NUDT9: variants seen among roughly 807,000 people sequenced by gnomAD.
NUDT9 encodes the protein nudix hydrolase 9.
NUDT9 carries 31 observed loss-of-function variants against 41.0 expected under a neutral mutation model. The ratio of observed to expected loss-of-function variants is 0.76; its 90% CI spans 0.57 to 1.02. NUDT9 has a LOEUF of 1.02. Among genes scored for constraint, NUDT9 ranks in the 50% least tolerant of loss-of-function variants. The probability of loss-of-function intolerance (pLI) is 0.00; values close to 1 mark genes in which losing one functional copy is unlikely to be tolerated. For synonymous variants in NUDT9, 146 were observed against 147.6 expected, an observed-to-expected ratio of 0.99 and a Z score of 0.08; for missense variants, 380 against 431.4, an observed-to-expected ratio of 0.88 and a Z score of 1.06.
At position 87,457,976 on chromosome 4, in the gene NUDT9, T is replaced by G. The variant is rs1406258726; in HGVS notation, c.1008T>G (p.Asp336Glu). 5.0e-6 allele frequency: 8 copies of G among 1,593,858 alleles called. No homozygotes were observed. Among genetic ancestry groups the G allele is most frequent in the Non-Finnish European group, 4.3e-6 (5 of 1,172,912 alleles). ...QFIKLVAEKR[D>E]AHWSEDSEAD... ...TCAAACTTGTGGCTGAGAAACGAGA[T>G]GCACACTGGAGCGAGGACTCTGAAG... The change falls in exon 8 of 8, where the codon GAT becomes GAG. Residue 336 changes from aspartate to glutamate, a missense_variant. Asp to Glu is a conservative substitution (Grantham distance 45). Transcript: ENST00000302174.
intron 1 of NUDT9, among the ~76,000 whole-genome samples, chr4:87,426,740 A>G (rs1721441348): frequency 6.6e-6 from 1 of 151,670 alleles, no homozygotes; most frequent in Non-Finnish European, 1.5e-5. Context: ...AAAAAAATTG[A>G]AAAAGGATAA....
In NUDT9 at chr4:87,422,874, C is replaced by G. The variant is rs75966645; in HGVS notation, c.-32C>G. Reference sequence around the variant, plus strand: ...AGGCGGAGGCACCAACTAAGAGCGACCTAGCATCGCAAAGCCGCCCTCGGG... The same window carrying G: ...AGGCGGAGGCACCAACTAAGAGCGAGCTAGCATCGCAAAGCCGCCCTCGGG... On this transcript the variant is annotated 5_prime_UTR_variant, in exon 1 of 8. Coordinates refer to ENST00000302174, the MANE Select transcript of NUDT9 (RefSeq NM_024047.5). The G allele has an allele frequency of 3.4e-5, 54 of 1,575,624 alleles. No homozygotes were observed. In the African/African-American group the frequency reaches 6.8e-4, roughly 20 times the overall value.
intron 2 of NUDT9, among the ~76,000 whole-genome samples, chr4:87,435,933 G>C (rs1158471570): frequency 6.6e-6 from 1 of 151,900 alleles, no homozygotes; most frequent in Non-Finnish European, 1.5e-5. Context: ...TACCTTTTTT[G>C]TGTGTGTAGT....
At chr4:87,425,197 AAAAAAACTGGG>A (rs2110155468) in intron 1 of NUDT9, among the ~76,000 whole-genome samples, 1 of 152,126 alleles carries the variant, frequency 6.6e-6, no homozygotes, top group South Asian at 2.1e-4. Flanking sequence ...TCTCTAAAAA[AAAAAAACTGGG>A]CCTGGTGGCA....
chr4:87,450,014 C>T (rs148172435), intron 5 of NUDT9, among the ~76,000 whole-genome samples: 16 of 152,166 alleles, frequency 1.1e-4, no homozygotes, highest in African/African-American at 3.6e-4. Context: ...CAAGTGTGTG[C>T]CGCTATGCCT....
intron 3 of NUDT9, 59 bp downstream of exon 3, chr4:87,438,431 G>C (rs1722054324): frequency 2.2e-6 from 2 of 923,728 alleles, no homozygotes; most frequent in Admixed American, 3.8e-5. Context: ...AGAAAAGATA[G>C]TTCATATTTA....
At chr4:87,435,831 T>C (rs978030336) in intron 2 of NUDT9, among the ~76,000 whole-genome samples, 1 of 152,214 alleles carries the variant, frequency 6.6e-6, no homozygotes, top group Non-Finnish European at 1.5e-5. Flanking sequence ...AGTAACTATA[T>C]ATATTTAAGG....
At position 87,458,116 on chromosome 4, in the gene NUDT9, G is replaced by A. The variant is rs1723070473; in HGVS notation, c.*95G>A. 1 of 1,119,686 alleles carries A rather than the reference G, an allele frequency of 8.9e-7. No individual in the cohort carries two copies. The highest frequency in any genetic ancestry group is 3.2e-5 in the Admixed American group (1 of 31,380). The allele number at this position is 1,119,686 out of a possible 1,614,324, so 69.4% of individuals were successfully genotyped here. A position where few individuals can be genotyped will look rare whatever the true frequency, so the allele number is the denominator to read the frequency against. On this transcript the variant is annotated 3_prime_UTR_variant, in exon 8 of 8. Coordinates refer to ENST00000302174, the MANE Select transcript of NUDT9 (RefSeq NM_024047.5). ...TTTATACTATAAAAAGGGCAGGGTA[G>A]GCCACTTGGCCTATTTACTTTCAAA...
chr4:87,422,742 T>G lies in NUDT9; in HGVS notation c.-164T>G. The G allele has an allele frequency of 1.8e-6, 1 of 542,896 alleles. No individual in the cohort carries two copies. Among genetic ancestry groups the G allele is most frequent in the East Asian group, 3.2e-5 (1 of 31,314 alleles). The allele number at this position is 542,896 out of a possible 1,614,324, so 33.6% of individuals were successfully genotyped here. A position where few individuals can be genotyped will look rare whatever the true frequency, so the allele number is the denominator to read the frequency against. On this transcript the variant is annotated 5_prime_UTR_variant, in exon 1 of 8. Coordinates refer to ENST00000302174, the MANE Select transcript of NUDT9 (RefSeq NM_024047.5). ...TTATCGTGGGAGGGCTCTTGATCTGTGATTTATAGATAGGCACAGCTACTC... is the reference window on the plus strand; with the variant it reads ...TTATCGTGGGAGGGCTCTTGATCTGGGATTTATAGATAGGCACAGCTACTC...
rs558048057 is a variant in NUDT9 at position 87,438,149 on chromosome 4, A to C, written c.348-128A>C. 335 of 488,712 alleles carry C rather than the reference A, an allele frequency of 6.9e-4. 6 individuals carry two copies. The highest frequency in any genetic ancestry group is 4.3e-3 in the South Asian group (142 of 33,026). The allele number at this position is 488,712 out of a possible 1,614,324, so 30.3% of individuals were successfully genotyped here. A position where few individuals can be genotyped will look rare whatever the true frequency, so the allele number is the denominator to read the frequency against. On this transcript the variant is annotated intron_variant, in intron 2 of 7. Transcript: ENST00000302174. ...TAAGATGGATTTGTGAAAAAAAAAA[A>C]AAAACTAACCCTTAAAAATTTATTG...
chr4:87,423,592 C>A (rs770670331), intron 1 of NUDT9, among the ~76,000 whole-genome samples: 1 of 152,016 alleles, frequency 6.6e-6, no homozygotes, highest in African/African-American at 2.4e-5. Context: ...GCAGCCTTTT[C>A]TTATTTTATA....
chr4:87,430,853 T>A (rs1721654905), intron 1 of NUDT9, among the ~76,000 whole-genome samples: 1 of 152,202 alleles, frequency 6.6e-6, no homozygotes, highest in South Asian at 2.1e-4. Flanking sequence ...AGACATGTGA[T>A]TACCAAGTAT....
chr4:87,426,231 G>A (rs1721409616), intron 1 of NUDT9, among the ~76,000 whole-genome samples: 1 of 151,714 alleles, frequency 6.6e-6, no homozygotes, highest in African/African-American at 2.4e-5. Flanking sequence ...GTAGAATATT[G>A]TTTTATTCCT....
At chr4:87,424,294 CTG>C (rs1247212559) in intron 1 of NUDT9, among the ~76,000 whole-genome samples, 4 of 137,716 alleles carry the variant, frequency 2.9e-5, no homozygotes, top group Non-Finnish European at 6.1e-5. Flanking sequence ...GAGTTTCGCT[CTG>C]TCGCCCAGGC....
chr4:87,435,050 A>G lies in NUDT9; in HGVS notation c.177A>G (p.Glu59=). Residue 59 remains glutamate (E), a synonymous_variant, in exon 2 of 8, where the codon GAA becomes GAG. Coordinates refer to ENST00000302174, the MANE Select transcript of NUDT9 (RefSeq NM_024047.5). ...TGTCTGGTTCTAATGGTTCCAAAGA[A>G]AATTCTCACAATAAGGCTCGGACGT... ...NVMSGSNGSK[E]NSHNKARTSP... is the part of the protein sequence containing the mutation. The G allele has an allele frequency of 6.2e-7, 1 of 1,614,194 alleles. No homozygotes were observed. The highest frequency in any genetic ancestry group is 8.5e-7 in the Non-Finnish European group (1 of 1,180,022).
chr4:87,427,665 C>A (rs1291237149), intron 1 of NUDT9, among the ~76,000 whole-genome samples: 2 of 152,098 alleles, frequency 1.3e-5, no homozygotes, highest in Admixed American at 6.5e-5. Flanking sequence ...AATCAGGGAA[C>A]AAAGAGCCTT....
intron 2 of NUDT9, 61 bp from the exon 3 acceptor site, chr4:87,438,216 A>G: frequency 1.2e-6 from 1 of 845,404 alleles, no homozygotes; most frequent in Admixed American, 1.8e-5. Context: ...GACTTTCATT[A>G]TTAAGCTGTT....
chr4:87,431,843 G>T (rs561245795), intron 1 of NUDT9, among the ~76,000 whole-genome samples: 1 of 152,156 alleles, frequency 6.6e-6, no homozygotes, highest in Non-Finnish European at 1.5e-5. Context: ...ACATCACCAT[G>T]CCCGGCTAAT....
At chr4:87,440,215 T>C (rs1437356548) in intron 3 of NUDT9, among the ~76,000 whole-genome samples, 1 of 152,206 alleles carries the variant, frequency 6.6e-6, no homozygotes, top group Non-Finnish European at 1.5e-5. Flanking sequence ...AGAAACTAAC[T>C]TTAGCTTGCC....
Sources: allele counts gnomAD v4.1 joint callset (sites outside exome capture counted in the v4.1 genomes callset), GRCh38; gene constraint gnomAD v4.1.1; transcripts MANE v1.5; gene names NCBI Gene and HGNC (gene_info 2026-07-23, HGNC 2026-07-21).